HEATR4: variants seen among roughly 807,000 people sequenced by gnomAD.
HEATR4 encodes HEAT repeat containing 4.
A neutral mutation model predicts 108.8 loss-of-function variants in HEATR4; 95 were observed. The observed-to-expected ratio is 0.87, with a 90% CI of 0.74 to 1.04. The LOEUF is 1.04. HEATR4 is among the 50% of genes least tolerant of loss of function. The pLI is 0.00. For synonymous variants in HEATR4, 443 were observed against 459.4 expected, an observed-to-expected ratio of 0.96 and a Z score of 0.46; for missense variants, 1,152 against 1,253.8, an observed-to-expected ratio of 0.92 and a Z score of 1.23.
At chr14:73,590,057 A>G in the HEATR4 span, among the ~76,000 whole-genome samples, 2 of 152,130 alleles carry the variant, frequency 1.3e-5, no homozygotes, top group Non-Finnish European at 2.9e-5. Context: ...TTATTACAAA[A>G]CTAAATAGAA....
chr14:73,498,560 T>G (rs986512412), intron 13 of HEATR4, among the ~76,000 whole-genome samples: 3 of 152,194 alleles, frequency 2.0e-5, no homozygotes, highest in South Asian at 2.1e-4. Context: ...TTGCCTATTT[T>G]GGGATGAAAT....
the HEATR4 span, among the ~76,000 whole-genome samples, chr14:73,589,674 C>T: frequency 5.4e-3 from 824 of 152,238 alleles, 10 homozygotes; most frequent in African/African-American, 0.019. Context: ...TATGGCCAGG[C>T]ACGGCAGGTA....
chr14:73,522,457 C>G lies in HEATR4; in HGVS notation c.696G>C (p.Lys232Asn). ...RPRRPGASPN[K>N]WQSFLRQQYD... ...ACTGCTGGCGCAGGAAGCTCTGCCACTTGTTGGGGGATGCCCCAGGCCTTC... is the reference window on the plus strand; with the variant it reads ...ACTGCTGGCGCAGGAAGCTCTGCCAGTTGTTGGGGGATGCCCCAGGCCTTC... Residue 232 changes from lysine (K) to asparagine (N), a missense_variant, in exon 3 of 18, where the codon AAG becomes AAC. Physicochemically the swap from Lys to Asn is moderately conservative, Grantham distance 94. Transcript: ENST00000553558. The G allele has an allele frequency of 6.2e-7, 1 of 1,614,248 alleles. No homozygotes were observed. Among genetic ancestry groups the G allele is most frequent in the South Asian group, 1.1e-5 (1 of 91,090 alleles).
At chr14:73,571,161 C>A in the HEATR4 span, 1 of 151,754 alleles carries the variant, frequency 6.6e-6, no homozygotes, top group Non-Finnish European at 1.5e-5. Context: ...TAGCTCCCCG[C>A]TGGCTGGCTA....
chr14:73,573,335 C>T, the HEATR4 span: 1,054 of 1,610,792 alleles, frequency 6.5e-4, 19 homozygotes, highest in Middle Eastern at 8.4e-3. Flanking sequence ...CTTAAACCAT[C>T]CAACTGTTTC....
At chr14:73,592,110 C>G in the HEATR4 span, 1 of 1,509,992 alleles carries the variant, frequency 6.6e-7, no homozygotes, top group East Asian at 2.6e-5. Flanking sequence ...GGCCCACGCG[C>G]GCTACTGCGC....
chr14:73,510,082 C>T (rs532764908), intron 7 of HEATR4, among the ~76,000 whole-genome samples: 158 of 150,920 alleles, frequency 1.0e-3, no homozygotes, highest in African/African-American at 3.5e-3. Context: ...AGGATGGTCT[C>T]GATCTCCTGA....
chr14:73,594,044 A>G, the HEATR4 span: 2 of 618,140 alleles, frequency 3.2e-6, no homozygotes, highest in South Asian at 4.5e-5. Context: ...TTAAGGTGCT[A>G]TTTCCACTTT....
chr14:73,498,982 C>T, intron 13 of HEATR4, 89 bp downstream of exon 13: 3 of 1,082,470 alleles, frequency 2.8e-6, no homozygotes, highest in Admixed American at 1.7e-5. Flanking sequence ...CTGCACTTCA[C>T]CCCATTAGAG....
rs1347510723 is a variant in HEATR4, at chr14:73,556,629, T to G, written c.-152+2122A>C. 1.8e-5 allele frequency among the ~76,000 whole-genome samples: 2 copies of G among 113,632 alleles called. 1 individual carries two copies. Among genetic ancestry groups the G allele is most frequent in the Non-Finnish European group, 3.9e-5 (2 of 51,936 alleles). 74.5% of individuals were successfully genotyped at this position (113,632 alleles called of 152,430 possible). A position where few individuals can be genotyped will look rare whatever the true frequency, so the allele number is the denominator to read the frequency against. Reference sequence around the variant, plus strand: ...TCACGGGACAGGTGTAAGGCCAAATTGTGCACTTCCCAGTCATGTTACCTT... The same window carrying G: ...TCACGGGACAGGTGTAAGGCCAAATGGTGCACTTCCCAGTCATGTTACCTT... On this transcript the variant is annotated intron_variant, in intron 1 of 17. Coordinates refer to ENST00000553558, the MANE Select transcript of HEATR4 (RefSeq NM_001220484.1).
chr14:73,595,113 C>T, the HEATR4 span: 7 of 1,614,122 alleles, frequency 4.3e-6, no homozygotes, highest in Admixed American at 1.0e-4. Context: ...CTCTCAATGG[C>T]CTCATTCTTG....
At chr14:73,596,969 A>G in the HEATR4 span, among the ~76,000 whole-genome samples, 1 of 152,198 alleles carries the variant, frequency 6.6e-6, no homozygotes, top group Non-Finnish European at 1.5e-5. Context: ...CTGATGTCAA[A>G]GACATCAAGC....
chr14:73,517,979 G>A (rs763340984), intron 5 of HEATR4, among the ~76,000 whole-genome samples: 19 of 152,128 alleles, frequency 1.2e-4, no homozygotes, highest in South Asian at 4.1e-4. Context: ...CCAGCTACTC[G>A]TGAGGCAGAG....
Position 73,498,190 on chromosome 14 carries a change from G to A in HEATR4, c.2511C>T (p.Asp837=), listed in dbSNP as rs143100290. Residue 837 remains aspartate (D), a synonymous_variant, in exon 14 of 18, where the codon GAC becomes GAT. Transcript: ENST00000553558. ...QGDRVRDTFL[D]VLLLENHDAV... is the part of the protein sequence containing the mutation. ...CATCGTGGTTCTCCAGGAGCAGCAC[G>A]TCTAGGAAGGTGTCCCTGACCCGGT... 760 of 1,613,748 alleles carry A rather than the reference G, an allele frequency of 4.7e-4. 1 individual carries two copies. Among genetic ancestry groups the A allele is most frequent in the Middle Eastern group, 8.3e-4 (5 of 6,012 alleles).
At chr14:73,557,614 G>A (rs1889419332) in intron 1 of HEATR4, among the ~76,000 whole-genome samples, 1 of 73,488 alleles carries the variant, frequency 1.4e-5, no homozygotes. Context: ...CAACAGATTT[G>A]GATTCTGAAG....
chr14:73,532,594 G>C (rs1394779907), intron 1 of HEATR4, among the ~76,000 whole-genome samples: 2 of 115,232 alleles, frequency 1.7e-5, no homozygotes, highest in Admixed American at 9.8e-5. Flanking sequence ...TTTAGCACTT[G>C]GGCTCAAGCT....
In HEATR4 at chr14:73,514,118, GCTT is replaced by G. The variant is rs779224842; in HGVS notation, c.1324_1326del (p.Lys442del). On this transcript the variant is annotated inframe_deletion, in exon 6 of 18. Coordinates refer to ENST00000553558, the MANE Select transcript of HEATR4 (RefSeq NM_001220484.1). ...ACATCCTCCTGCAGTGATTTTGCCT[GCTT>G]CTTCAATCTCCTGGTCTTAATAGGC... 1.2e-4 allele frequency: 200 copies of G among 1,614,044 alleles called. No individual in the cohort carries two copies. In the Middle Eastern group the frequency reaches 1.3e-3, roughly 11 times the overall value.
At chr14:73,592,544 G>A in the HEATR4 span, 1 of 1,159,070 alleles carries the variant, frequency 8.6e-7, no homozygotes, top group Non-Finnish European at 1.2e-6. Context: ...TATGTCAGTG[G>A]CCACTCTACC....
At chr14:73,590,470 G>A in the HEATR4 span, among the ~76,000 whole-genome samples, 6 of 152,170 alleles carry the variant, frequency 3.9e-5, no homozygotes, top group Non-Finnish European at 8.8e-5. Context: ...GTCCCGCGCC[G>A]TGCGCCCGCA....
Sources: gnomAD v4.1 joint callset for allele counts (sites outside exome capture counted in the v4.1 genomes callset) on GRCh38, gnomAD v4.1.1 for gene constraint, MANE v1.5 for transcripts, NCBI Gene and HGNC (gene_info 2026-07-23, HGNC 2026-07-21) for gene names.